ABHD2: variants seen among roughly 807,000 people sequenced by gnomAD.
ABHD2 encodes monoacylglycerol lipase ABHD2.
Under a neutral mutation model 48.1 loss-of-function variants are expected in ABHD2, and 20 were observed. The observed-to-expected ratio is 0.42, with a 90% CI of 0.29 to 0.60. The LOEUF is 0.60. Among genes scored for constraint, ABHD2 ranks in the 20% least tolerant of loss-of-function variants. ABHD2 has a pLI of 0.24. For synonymous variants in ABHD2, 209 were observed against 214.2 expected (o/e 0.98, Z 0.21); for missense variants, 405 against 550.9 (o/e 0.74, Z 2.65).
chr15:89,192,458 C>T, intron 9 of ABHD2, among the ~76,000 whole-genome samples: 1 of 151,968 alleles, frequency 6.6e-6, no homozygotes, highest in East Asian at 1.9e-4. Context: ...AACGGTTTTC[C>T]AATATCCACC....
Position 89,114,850 on chromosome 15 carries a change from C to T in ABHD2, c.-7+1026C>T, listed in dbSNP as rs1190454054. On this transcript the variant is annotated intron_variant, in intron 2 of 10. Coordinates refer to ENST00000352732, the MANE Select transcript of ABHD2 (RefSeq NM_152924.5). This position sits in a 1 kb window ranked among gnomAD's most constrained non-coding sequence, Gnocchi z 4.2. ...AGTGTAGCTGAGTTTATATTCATGGCCTAGCCTTGATTTGAAATTGTGTCA... is the reference window on the plus strand; with the variant it reads ...AGTGTAGCTGAGTTTATATTCATGGTCTAGCCTTGATTTGAAATTGTGTCA... Among the ~76,000 whole-genome samples, 1 of 152,166 alleles carries T rather than the reference C, an allele frequency of 6.6e-6. No individual in the cohort carries two copies. Among genetic ancestry groups the T allele is most frequent in the African/African-American group, 2.4e-5 (1 of 41,418 alleles).
At chr15:89,161,545 CA>C (rs2150905377) in intron 5 of ABHD2, among the ~76,000 whole-genome samples, 1 of 152,218 alleles carries the variant, frequency 6.6e-6, no homozygotes, top group East Asian at 1.9e-4. Context: ...GGATTATAAG[CA>C]CCCGCCACCA....
At chr15:89,135,764 A>G (rs776284536) in intron 3 of ABHD2, 52 of 916,362 alleles carry the variant, frequency 5.7e-5, no homozygotes, top group Non-Finnish European at 8.5e-5. Flanking sequence ...ATCTGCAGCA[A>G]TGTTATTCCA....
At chr15:89,121,108 G>C (rs1355605648) in intron 3 of ABHD2, among the ~76,000 whole-genome samples, 2 of 152,148 alleles carry the variant, frequency 1.3e-5, no homozygotes, top group Non-Finnish European at 2.9e-5. Flanking sequence ...GGCAACAGTT[G>C]GGCAGAGAAA....
intron 1 of ABHD2, among the ~76,000 whole-genome samples, chr15:89,095,662 A>G (rs896390216): frequency 1.6e-4 from 25 of 152,198 alleles, no homozygotes; most frequent in African/African-American, 5.5e-4. Flanking sequence ...CTTCTGAGAT[A>G]CAGCATGACC....
the ABHD2 span, among the ~76,000 whole-genome samples, chr15:89,080,332 T>C: frequency 2.0e-5 from 3 of 152,130 alleles, no homozygotes; most frequent in Non-Finnish European, 4.4e-5. Context: ...AAAGTTCAAG[T>C]GTAAGGGTGT....
chr15:89,172,000 A>C (rs2050936278), intron 5 of ABHD2, among the ~76,000 whole-genome samples: 1 of 147,508 alleles, frequency 6.8e-6, no homozygotes, highest in South Asian at 2.2e-4. Flanking sequence ...GCCATTTAAT[A>C]CCCTATAATA....
chr15:89,125,234 G>A (rs978473535), intron 3 of ABHD2, among the ~76,000 whole-genome samples: 1 of 150,928 alleles, frequency 6.6e-6, no homozygotes, highest in African/African-American at 2.5e-5. Flanking sequence ...CCAGCCTGGC[G>A]ACAGAGGGAG....
the ABHD2 span, among the ~76,000 whole-genome samples, chr15:89,049,296 G>T: frequency 1.3e-5 from 2 of 152,234 alleles, no homozygotes. Context: ...CTTCAAAGCT[G>T]TCAGACAGGG....
chr15:89,069,498 CT>C, the ABHD2 span, among the ~76,000 whole-genome samples: 1 of 151,844 alleles, frequency 6.6e-6, no homozygotes, highest in Non-Finnish European at 1.5e-5. Context: ...TTCTCTGACC[CT>C]CGATCGAAAG....
At chr15:89,052,054 C>T in the ABHD2 span, among the ~76,000 whole-genome samples, 2 of 152,142 alleles carry the variant, frequency 1.3e-5, no homozygotes, top group African/African-American at 4.8e-5. Context: ...TGCATTTTCC[C>T]ATGGGAACAA....
chr15:89,177,357 G>A lies in ABHD2; in HGVS notation c.722+1362G>A, dbSNP rs1022393941. 8.5e-5 allele frequency among the ~76,000 whole-genome samples: 13 copies of A among 152,118 alleles called. No homozygotes were observed. Among genetic ancestry groups the A allele is most frequent in the Admixed American group, 2.0e-4 (3 of 15,282 alleles). ...AATGAAGGAGGTGGGTTCGATCGGC[G>A]GATCACAAAGACCGGTCCAGTGAAC... On this transcript the variant is annotated intron_variant, in intron 6 of 10. Transcript: ENST00000352732. This position sits in a 1 kb window ranked among gnomAD's most constrained non-coding sequence, Gnocchi z 5.6.
At chr15:89,136,412 C>G (rs1395389179) in intron 3 of ABHD2, 1 of 500,322 alleles carries the variant, frequency 2.0e-6, no homozygotes, top group Non-Finnish European at 3.9e-6. Flanking sequence ...GATGTTTGTT[C>G]TTATGTGCCT....
rs767532808 is a variant in ABHD2, at chr15:89,201,840, T to A, written c.*6417T>A. The A allele has an allele frequency of 9.7e-7, 1 of 1,035,384 alleles. No homozygotes were observed. The allele number at this position is 1,035,384 out of a possible 1,614,324, so 64.1% of individuals were successfully genotyped here. On this transcript the variant is annotated 3_prime_UTR_variant, in exon 11 of 11. Coordinates refer to ENST00000352732, the MANE Select transcript of ABHD2 (RefSeq NM_152924.5). The stretch of plus-strand genomic sequence containing the variant: ...GCAGAGCAGGGGGCGGCTTGCTCGC[T>A]GGGGGCGGGGGACGATGGCGAGAGG...
rs2050967595 is a variant in ABHD2, at chr15:89,173,827, A to G, written c.539-1985A>G. ...AGAAAAATAAGCAGCTTGATCCTCT[A>G]CTATCTCACTGGAGAGGGAGACGGG... On this transcript the variant is annotated intron_variant, in intron 5 of 10. Coordinates refer to ENST00000352732, the MANE Select transcript of ABHD2 (RefSeq NM_152924.5). The surrounding 1 kb of genome is among the most constrained non-coding windows in gnomAD (Gnocchi z 6.5). Among the ~76,000 whole-genome samples, 1 of 152,146 alleles carries G rather than the reference A, an allele frequency of 6.6e-6. No homozygotes were observed. Among genetic ancestry groups the G allele is most frequent in the Non-Finnish European group, 1.5e-5 (1 of 68,008 alleles).
chr15:89,155,234 T>C lies in ABHD2; in HGVS notation c.371-133T>C. Reference sequence around the variant, plus strand: ...AGCTCCAGCTAGAAGGGAAAAATTCTTCCCCAGAGAACTGAGTGAAAGATG... The same window carrying C: ...AGCTCCAGCTAGAAGGGAAAAATTCCTCCCCAGAGAACTGAGTGAAAGATG... On this transcript the variant is annotated intron_variant, in intron 4 of 10. Transcript: ENST00000352732. The surrounding 1 kb of genome is among the most constrained non-coding windows in gnomAD (Gnocchi z 4.9). 1.0e-6 allele frequency: 1 copy of C among 989,732 alleles called. No homozygotes were observed. The highest frequency in any genetic ancestry group is 1.5e-6 in the Non-Finnish European group (1 of 679,000). 61.3% of individuals were successfully genotyped at this position (989,732 alleles called of 1,614,324 possible).
the ABHD2 span, among the ~76,000 whole-genome samples, chr15:89,044,620 A>C: frequency 6.6e-6 from 1 of 151,042 alleles, no homozygotes; most frequent in South Asian, 2.1e-4. Flanking sequence ...ATGGTATCTC[A>C]TTGTGGTTTT....
chr15:89,081,774 C>G, the ABHD2 span, among the ~76,000 whole-genome samples: 1 of 152,058 alleles, frequency 6.6e-6, no homozygotes, highest in Non-Finnish European at 1.5e-5. Flanking sequence ...TCCCTTGAAC[C>G]CAGGAGATGG....
At chr15:89,085,178 T>C (rs2150759356), upstream of ABHD2, among the ~76,000 whole-genome samples, 1 of 152,264 alleles carries the variant, frequency 6.6e-6, no homozygotes, top group African/African-American at 2.4e-5. This position sits in a 1 kb window ranked among gnomAD's most constrained non-coding sequence, Gnocchi z 4.2. Flanking sequence ...AATGAAGTCC[T>C]GCAGCTTTGG....
Sources: allele counts gnomAD v4.1 joint callset (sites outside exome capture counted in the v4.1 genomes callset), GRCh38; gene constraint gnomAD v4.1.1; non-coding constraint Gnocchi (gnomAD v3.1); transcripts MANE v1.5; gene names NCBI Gene and HGNC (gene_info 2026-07-23, HGNC 2026-07-21).